The following SEC14L1 variants were observed in gnomAD, a reference collection of about 807,000 sequenced individuals.
The protein encoded by SEC14L1 is SEC14-like protein 1.
A neutral mutation model predicts 85.3 loss-of-function variants in SEC14L1; 48 were observed. The ratio of observed to expected loss-of-function variants is 0.56; its 90% CI spans 0.45 to 0.72. The LOEUF is 0.72. SEC14L1 is among the 30% of genes least tolerant of loss of function. The pLI is 0.00. For synonymous variants in SEC14L1, 391 were observed against 355.5 expected, an observed-to-expected ratio of 1.10 and a Z score of -1.12; for missense variants, 682 against 921.4, an observed-to-expected ratio of 0.74 and a Z score of 3.36.
chr17:77,183,582 T>C (rs1475320345), intron 3 of SEC14L1, among the ~76,000 whole-genome samples: 1 of 152,210 alleles, frequency 6.6e-6, no homozygotes, highest in Non-Finnish European at 1.5e-5. Flanking sequence ...GAGCCAAGAC[T>C]GTGCCACTGC....
At chr17:77,135,345 C>T (rs1972761929) in intron 3 of SEC14L1, among the ~76,000 whole-genome samples, 1 of 152,196 alleles carries the variant, frequency 6.6e-6, no homozygotes, top group African/African-American at 2.4e-5. Flanking sequence ...TGGATAAGTT[C>T]CTGCCTAGTC....
chr17:77,215,185 T>C lies in SEC14L1; in HGVS notation c.*1162T>C, dbSNP rs1264586607. ...GAATCTTCACAGAAGCAAATCAGAA[T>C]ATGGGATTTGTTTGCCTTTTACATT... On this transcript the variant is annotated 3_prime_UTR_variant, in exon 17 of 17. Transcript: ENST00000436233. 3.0e-6 allele frequency: 3 copies of C among 985,290 alleles called. No homozygotes were observed. The highest frequency in any genetic ancestry group is 3.5e-5 in the African/African-American group (2 of 57,192). The allele number at this position is 985,290 out of a possible 1,614,324, so 61.0% of individuals were successfully genotyped here. A position where few individuals can be genotyped will look rare whatever the true frequency, so the allele number is the denominator to read the frequency against.
At position 77,213,228 on chromosome 17, in the gene SEC14L1, C is replaced by A; in HGVS notation, c.1864-86C>A. The stretch of plus-strand genomic sequence containing the variant: ...CCGTAGCTACATGAAATCCTAAAGA[C>A]AGTCCCCTTGGCGCTTGTCAGGCCT... On this transcript the variant is annotated intron_variant, in intron 15 of 16. Coordinates refer to ENST00000436233, the MANE Select transcript of SEC14L1 (RefSeq NM_001143998.2). The surrounding 1 kb of genome is among the most constrained non-coding windows in gnomAD (Gnocchi z 7.1). 8.7e-7 allele frequency: 1 copy of A among 1,145,290 alleles called. No individual in the cohort carries two copies. Among genetic ancestry groups the A allele is most frequent in the Non-Finnish European group, 1.2e-6 (1 of 814,314 alleles). The allele number at this position is 1,145,290 out of a possible 1,614,324, so 70.9% of individuals were successfully genotyped here.
chr17:77,208,490 G>T (rs550065109), intron 13 of SEC14L1, among the ~76,000 whole-genome samples: 14 of 152,276 alleles, frequency 9.2e-5, no homozygotes, highest in Admixed American at 4.6e-4. Flanking sequence ...GGTGCTGAGC[G>T]TCTTTGTGGT....
intron 3 of SEC14L1, among the ~76,000 whole-genome samples, chr17:77,167,735 A>G (rs1212424686): frequency 6.6e-6 from 1 of 152,174 alleles, no homozygotes; most frequent in Non-Finnish European, 1.5e-5. Flanking sequence ...AAGAGTGAGC[A>G]AGGCGGGAAG....
chr17:77,216,540 G>T lies in SEC14L1; in HGVS notation c.*2517G>T. 6.2e-7 allele frequency: 1 copy of T among 1,613,216 alleles called. No homozygotes were observed. The highest frequency in any genetic ancestry group is 8.5e-7 in the Non-Finnish European group (1 of 1,179,422). ...CCCTGCTTTCTCTTTCTCTTTCTCT[G>T]TGTCTCAGATGGCGATTTTGCTGAC... On this transcript the variant is annotated 3_prime_UTR_variant, in exon 17 of 17. Coordinates refer to ENST00000436233, the MANE Select transcript of SEC14L1 (RefSeq NM_001143998.2).
chr17:77,089,461 G>C (rs753595654), intron 2 of SEC14L1: 1 of 518,888 alleles, frequency 1.9e-6, no homozygotes, highest in South Asian at 1.4e-5. Flanking sequence ...TCTAGCAGCA[G>C]TTTGATGATC....
chr17:77,089,745 G>A (rs1971460725), intron 2 of SEC14L1: 1 of 261,778 alleles, frequency 3.8e-6, no homozygotes, highest in Non-Finnish European at 7.5e-6. Context: ...GCCAGGTGCA[G>A]TGGCTCATGC....
intron 3 of SEC14L1, among the ~76,000 whole-genome samples, chr17:77,100,581 C>T (rs547085237): frequency 6.4e-4 from 97 of 151,684 alleles, no homozygotes; most frequent in African/African-American, 2.3e-3. Context: ...GGACTACAGG[C>T]GCCCACCACC....
chr17:77,202,106 T>A (rs1976179473), intron 9 of SEC14L1, among the ~76,000 whole-genome samples: 1 of 152,268 alleles, frequency 6.6e-6, no homozygotes, highest in South Asian at 2.1e-4. Context: ...TTTTTCCCCT[T>A]TGTGTAGATG....
chr17:77,100,121 G>C (rs577297363), intron 3 of SEC14L1, among the ~76,000 whole-genome samples: 17 of 152,348 alleles, frequency 1.1e-4, no homozygotes, highest in African/African-American at 3.8e-4. Flanking sequence ...AGGAGCGGGC[G>C]TGCTGCGCTG....
intron 8 of SEC14L1, chr17:77,199,606 C>T (rs1410440594): frequency 6.6e-6 from 1 of 152,426 alleles, no homozygotes; most frequent in African/African-American, 2.4e-5. Flanking sequence ...GTGTCCTGCT[C>T]TCTCTTTATT....
intron 3 of SEC14L1, among the ~76,000 whole-genome samples, chr17:77,121,899 C>A (rs947709204): frequency 6.6e-6 from 1 of 152,228 alleles, no homozygotes; most frequent in Non-Finnish European, 1.5e-5. Context: ...CTTTCTGCTC[C>A]TCTTGTCTTC....
At chr17:77,090,879 T>C (rs1971497427) in intron 2 of SEC14L1, among the ~76,000 whole-genome samples, 2 of 151,164 alleles carry the variant, frequency 1.3e-5, no homozygotes, top group Non-Finnish European at 3.0e-5. Flanking sequence ...TCCCAGCTAC[T>C]TGGGAGGCTG....
Position 77,212,051 on chromosome 17 carries a change from A to T in SEC14L1, c.1713A>T (p.Pro571=), listed in dbSNP as rs759452308. 1.9e-6 allele frequency: 3 copies of T among 1,614,068 alleles called. No individual in the cohort carries two copies. Among genetic ancestry groups the T allele is most frequent in the Admixed American group, 3.3e-5 (2 of 60,006 alleles). ...VFNIYHSKRS[P]QPPKKDSLGA... is the part of the protein sequence containing the mutation. ...ACATCTATCACTCCAAGAGGTCGCC[A>T]CAACCACCCAAAAAGGACTCCCTGG... is the stretch of plus-strand genomic sequence containing the variant. Residue 571 remains proline, a synonymous_variant, in exon 15 of 17, where the codon CCA becomes CCT. Coordinates refer to ENST00000436233, the MANE Select transcript of SEC14L1 (RefSeq NM_001143998.2).
intron 3 of SEC14L1, among the ~76,000 whole-genome samples, chr17:77,162,489 C>G (rs1446368598): frequency 2.0e-5 from 3 of 152,100 alleles, no homozygotes; most frequent in Admixed American, 6.6e-5. Context: ...TGCAAAGTAA[C>G]ATGATGTATA....
intron 3 of SEC14L1, among the ~76,000 whole-genome samples, chr17:77,178,728 ACTCCTGTG>A (rs1050720876): frequency 6.6e-6 from 1 of 151,720 alleles, no homozygotes; most frequent in Non-Finnish European, 1.5e-5. Flanking sequence ...TAGGGCTCTC[ACTCCTGTG>A]AGAGTCTGAT....
chr17:77,107,792 A>G (rs1298819769), intron 3 of SEC14L1, among the ~76,000 whole-genome samples: 1 of 152,220 alleles, frequency 6.6e-6, no homozygotes, highest in African/African-American at 2.4e-5. Flanking sequence ...TTGGTTTTCA[A>G]GCTTTACTTG....
At chr17:77,132,569 A>G (rs12603478) in intron 3 of SEC14L1, among the ~76,000 whole-genome samples, 28,453 of 152,104 alleles carry the variant, frequency 0.19, 2,904 homozygotes, top group Middle Eastern at 0.27. Context: ...GGGCTCTGAC[A>G]TGTCTCTGTA....
Sources: allele counts gnomAD v4.1 joint callset (sites outside exome capture counted in the v4.1 genomes callset), GRCh38; gene constraint gnomAD v4.1.1; non-coding constraint Gnocchi (gnomAD v3.1); transcripts MANE v1.5; gene names NCBI Gene and HGNC (gene_info 2026-07-23, HGNC 2026-07-21).